IL23R: variants seen among roughly 807,000 people sequenced by gnomAD.
IL23R encodes interleukin 23 receptor.
A neutral mutation model predicts 56.9 loss-of-function variants in IL23R; 34 were observed. That is an observed-to-expected ratio of 0.60 (90% CI 0.45 to 0.80). IL23R has a LOEUF of 0.80. Among genes scored for constraint, IL23R ranks in the 30% least tolerant of loss-of-function variants. The pLI is 0.00. For missense variants in IL23R, 635 were observed against 730.0 expected, an observed-to-expected ratio of 0.87 and a Z score of 1.50; for synonymous variants, 230 against 249.2, an observed-to-expected ratio of 0.92 and a Z score of 0.73.
intron 3 of IL23R, among the ~76,000 whole-genome samples, chr1:67,175,892 A>T (rs747316648): frequency 6.6e-6 from 1 of 152,148 alleles, no homozygotes; most frequent in African/African-American, 2.4e-5. Context: ...TGTCTTGGTC[A>T]TAGCTCACTG....
intron 9 of IL23R, among the ~76,000 whole-genome samples, chr1:67,243,456 C>T (rs1651988072): frequency 6.6e-6 from 1 of 152,040 alleles, no homozygotes. Flanking sequence ...CTATCCCTCC[C>T]CCAGCCTCCT....
chr1:67,226,400 A>AG lies in IL23R; in HGVS notation c.955+6675dup, dbSNP rs561941450. The stretch of plus-strand genomic sequence containing the variant: ...TTAGCGGGATAGATAGGGAGCTGGA[A>AG]GGGGGATAGAGTGGGAGGATGATCT... On this transcript the variant is annotated intron_variant, in intron 7 of 10. Coordinates refer to ENST00000347310, the MANE Select transcript of IL23R (RefSeq NM_144701.3). 1.8e-3 allele frequency among the ~76,000 whole-genome samples: 280 copies of AG among 152,248 alleles called. 1 individual carries two copies. Among genetic ancestry groups the AG allele is most frequent in the African/African-American group, 6.4e-3 (265 of 41,538 alleles).
chr1:67,178,156 A>G (rs1647036939), intron 3 of IL23R, among the ~76,000 whole-genome samples: 1 of 152,146 alleles, frequency 6.6e-6, no homozygotes, highest in African/African-American at 2.4e-5. Context: ...TCTGTGAAGA[A>G]AGTCATTGGT....
At chr1:67,159,419 A>C (rs74829191) in intron 1 of IL23R, among the ~76,000 whole-genome samples, 1 of 152,186 alleles carries the variant, frequency 6.6e-6, no homozygotes, top group African/African-American at 2.4e-5. Context: ...GAGGCCTCCT[A>C]GTCATGCTTC....
At chr1:67,150,723 T>C (rs761216586) in intron 1 of IL23R, among the ~76,000 whole-genome samples, 5 of 151,394 alleles carry the variant, frequency 3.3e-5, no homozygotes, top group Non-Finnish European at 5.9e-5. Context: ...TTGGGTCATA[T>C]GAACCTGGAA....
chr1:67,179,124 G>A (rs910734027), intron 3 of IL23R, among the ~76,000 whole-genome samples: 1 of 152,144 alleles, frequency 6.6e-6, no homozygotes, highest in African/African-American at 2.4e-5. Flanking sequence ...GGAAGATGCT[G>A]GCCTCATAAA....
chr1:67,140,370 C>G (rs1189281348), intron 1 of IL23R, among the ~76,000 whole-genome samples: 1 of 152,102 alleles, frequency 6.6e-6, no homozygotes, highest in African/African-American at 2.4e-5. Flanking sequence ...TTGCAAATCA[C>G]TAAGGACAAA....
chr1:67,145,453 A>C (rs1253420090), intron 1 of IL23R, among the ~76,000 whole-genome samples: 12 of 152,162 alleles, frequency 7.9e-5, no homozygotes, highest in Non-Finnish European at 1.6e-4. Flanking sequence ...TAAATTAGCT[A>C]ATTTAATTAT....
chr1:67,176,810 GGT>G (rs1236918569), intron 3 of IL23R, among the ~76,000 whole-genome samples: 1 of 151,952 alleles, frequency 6.6e-6, no homozygotes, highest in East Asian at 1.9e-4. Context: ...AACTGGCCCC[GGT>G]GTGTGATGTT....
intron 7 of IL23R, among the ~76,000 whole-genome samples, chr1:67,232,159 G>A (rs1651141039): frequency 6.6e-6 from 1 of 152,128 alleles, no homozygotes; most frequent in South Asian, 2.1e-4. Flanking sequence ...ATATAAAATT[G>A]TATTATCTTC....
chr1:67,181,905 C>T (rs1383598739), intron 3 of IL23R, among the ~76,000 whole-genome samples: 1 of 152,128 alleles, frequency 6.6e-6, no homozygotes, highest in Non-Finnish European at 1.5e-5. Context: ...CCATTCCAGC[C>T]CTGTTTGCCT....
intron 6 of IL23R, among the ~76,000 whole-genome samples, chr1:67,210,498 C>T (rs1247007011): frequency 2.0e-5 from 3 of 151,238 alleles, no homozygotes; most frequent in African/African-American, 7.3e-5. Context: ...ACTCTCACTT[C>T]ATCACCCAGG....
At chr1:67,206,200 G>C (rs1649043570) in intron 5 of IL23R, among the ~76,000 whole-genome samples, 1 of 151,672 alleles carries the variant, frequency 6.6e-6, no homozygotes, top group Non-Finnish European at 1.5e-5. Context: ...TTTTAGTAGA[G>C]ACAGGGTTTT....
chr1:67,161,219 G>T (rs1022295230), intron 1 of IL23R, among the ~76,000 whole-genome samples: 29 of 152,108 alleles, frequency 1.9e-4, no homozygotes, highest in African/African-American at 2.9e-4. Context: ...AAGTGAAATC[G>T]TACATCAGTA....
At chr1:67,194,625 T>C (rs1290266525) in intron 4 of IL23R, among the ~76,000 whole-genome samples, 1 of 152,246 alleles carries the variant, frequency 6.6e-6, no homozygotes. Flanking sequence ...TTAGTAACTA[T>C]GGTTACTGTC....
chr1:67,192,299 C>T (rs4655688), intron 4 of IL23R, among the ~76,000 whole-genome samples: 135,845 of 152,200 alleles, frequency 0.89, 60,710 homozygotes, highest in East Asian at 1. Context: ...CAGGGGATGA[C>T]TGAAAGGTTT....
intron 7 of IL23R, among the ~76,000 whole-genome samples, chr1:67,225,494 A>G (rs1650551496): frequency 6.6e-6 from 1 of 150,876 alleles, no homozygotes; most frequent in Non-Finnish European, 1.5e-5. Context: ...TCTGTGGACA[A>G]TCTACATTAA....
chr1:67,149,368 G>T (rs561476240), intron 1 of IL23R, among the ~76,000 whole-genome samples: 2 of 152,222 alleles, frequency 1.3e-5, no homozygotes, highest in South Asian at 4.1e-4. Context: ...ACACCTAGGG[G>T]CTTTTTAGAG....
intron 7 of IL23R, among the ~76,000 whole-genome samples, chr1:67,220,684 A>G (rs1650180495): frequency 1.3e-5 from 2 of 151,996 alleles, no homozygotes; most frequent in African/African-American, 4.8e-5. Context: ...ACTGGACAAG[A>G]TAGGGAGACC....
Sources: gnomAD v4.1 joint callset for allele counts (sites outside exome capture counted in the v4.1 genomes callset) on GRCh38, gnomAD v4.1.1 for gene constraint, MANE v1.5 for transcripts, NCBI Gene and HGNC (gene_info 2026-07-23, HGNC 2026-07-21) for gene names.